Variants in MICU1 observed in about 807,000 individuals in gnomAD.
MICU1 encodes calcium uptake protein 1, mitochondrial.
MICU1 carries 45 observed loss-of-function variants against 56.8 expected under a neutral mutation model. That is an observed-to-expected ratio of 0.79 (90% CI 0.62 to 1.02). The LOEUF is 1.02. MICU1 is among the 50% of genes least tolerant of loss of function. The pLI is 0.00. For missense variants in MICU1, 504 were observed against 587.1 expected, an observed-to-expected ratio of 0.86 and a Z score of 1.46; for synonymous variants, 186 against 195.1, an observed-to-expected ratio of 0.95 and a Z score of 0.39.
At chr10:72,491,535 G>A (rs1047410429) in intron 6 of MICU1, among the ~76,000 whole-genome samples, 2 of 152,162 alleles carry the variant, frequency 1.3e-5, no homozygotes, top group Non-Finnish European at 1.5e-5. Context: ...TTATGTAATT[G>A]TCTAGGGGCC....
chr10:72,368,985 G>T (rs1288510477), intron 11 of MICU1, among the ~76,000 whole-genome samples: 2 of 152,112 alleles, frequency 1.3e-5, no homozygotes, highest in Non-Finnish European at 2.9e-5. Flanking sequence ...AAACTAAGGA[G>T]GAAGGCAGGG....
At chr10:72,558,599 G>A (rs1003154659) in intron 3 of MICU1, among the ~76,000 whole-genome samples, 6 of 152,046 alleles carry the variant, frequency 3.9e-5, no homozygotes, top group African/African-American at 9.7e-5. Context: ...AGCATTTTCC[G>A]CAGCTTTGCC....
At chr10:72,453,412 A>T (rs1865356615) in intron 8 of MICU1, among the ~76,000 whole-genome samples, 2 of 152,204 alleles carry the variant, frequency 1.3e-5, no homozygotes, top group South Asian at 4.1e-4. Context: ...CCAGGTGGAG[A>T]AAAAAAGACT....
At chr10:72,602,729 T>A (rs1299145967) in intron 1 of MICU1, among the ~76,000 whole-genome samples, 1 of 152,236 alleles carries the variant, frequency 6.6e-6, no homozygotes, top group Admixed American at 6.5e-5. Flanking sequence ...TCTTATGGAC[T>A]TCCTTTTTTA....
At chr10:72,403,360 A>T (rs1356948394) in intron 10 of MICU1, among the ~76,000 whole-genome samples, 2 of 151,976 alleles carry the variant, frequency 1.3e-5, no homozygotes, top group African/African-American at 4.8e-5. Context: ...TGTCTCAAAA[A>T]AAAAAATTTT....
intron 10 of MICU1, among the ~76,000 whole-genome samples, chr10:72,386,324 G>A (rs1862886091): frequency 6.6e-6 from 1 of 152,094 alleles, no homozygotes; most frequent in African/African-American, 2.4e-5. Context: ...TGGGATTACA[G>A]GTGCCCACCA....
At chr10:72,431,094 G>GTCTATCTATCTA (rs143659735) in intron 8 of MICU1, among the ~76,000 whole-genome samples, 20,150 of 141,208 alleles carry the variant, frequency 0.14, 1,611 homozygotes, top group Non-Finnish European at 0.17. Flanking sequence ...TTATCTGTCT[G>GTCTATCTATCTA]TCTATCTATC....
intron 6 of MICU1, among the ~76,000 whole-genome samples, chr10:72,503,598 TG>T (rs1209671715): frequency 6.6e-6 from 1 of 151,986 alleles, no homozygotes; most frequent in Admixed American, 6.6e-5. Context: ...TATAATCAAA[TG>T]TTTAAAACCA....
intron 4 of MICU1, among the ~76,000 whole-genome samples, chr10:72,546,848 C>T (rs980835868): frequency 1.3e-5 from 2 of 151,976 alleles, no homozygotes; most frequent in Non-Finnish European, 2.9e-5. Context: ...ACCTCAGCCT[C>T]CCAAGTAGCT....
chr10:72,509,836 C>T (rs1476054152), intron 5 of MICU1, among the ~76,000 whole-genome samples: 1 of 152,080 alleles, frequency 6.6e-6, no homozygotes, highest in East Asian at 1.9e-4. Flanking sequence ...TGGATGAGAA[C>T]TAGAACAGCA....
chr10:72,492,302 C>G (rs1344086248), intron 6 of MICU1, among the ~76,000 whole-genome samples: 1 of 151,994 alleles, frequency 6.6e-6, no homozygotes, highest in Non-Finnish European at 1.5e-5. Flanking sequence ...GGGGAAAAAG[C>G]GGTAACCAAT....
intron 4 of MICU1, among the ~76,000 whole-genome samples, chr10:72,540,057 C>A (rs528859910): frequency 6.6e-6 from 1 of 152,146 alleles, no homozygotes; most frequent in African/African-American, 2.4e-5. Flanking sequence ...CACCTGAGGT[C>A]AGGAGTTCAA....
Position 72,418,014 on chromosome 10 carries a change from G to A in MICU1, c.1071+5220C>T, listed in dbSNP as rs147203356. On this transcript the variant is annotated intron_variant, in intron 9 of 11. Coordinates refer to ENST00000361114, the MANE Select transcript of MICU1 (RefSeq NM_001195518.2). ...AGGGGAAGCAAACATATCCTTCTTC[G>A]CATGGCAGCAGGAAGAAGAATGAGT... Among the ~76,000 whole-genome samples the A allele has an allele frequency of 3.3e-3, 498 of 152,214 alleles. 4 individuals carry two copies. The highest frequency in any genetic ancestry group is 0.011 in the African/African-American group (468 of 41,532).
intron 10 of MICU1, among the ~76,000 whole-genome samples, chr10:72,381,644 T>C (rs1198503447): frequency 6.6e-6 from 1 of 152,136 alleles, no homozygotes; most frequent in Non-Finnish European, 1.5e-5. Flanking sequence ...GCTGCCTGAC[T>C]GTCAGAGGTG....
chr10:72,425,335 A>G (rs186197916), intron 8 of MICU1, among the ~76,000 whole-genome samples: 1 of 152,344 alleles, frequency 6.6e-6, no homozygotes, highest in East Asian at 1.9e-4. Flanking sequence ...TCATGGTTGA[A>G]AAGTTTCTTG....
At position 72,561,088 on chromosome 10, in the gene MICU1, T is replaced by C. The variant is rs138627000; in HGVS notation, c.330+1807A>G. Among the ~76,000 whole-genome samples, 191 of 152,346 alleles carry C rather than the reference T, an allele frequency of 1.3e-3. 1 individual carries two copies. Among genetic ancestry groups the C allele is most frequent in the African/African-American group, 4.1e-3 (169 of 41,572 alleles). On this transcript the variant is annotated intron_variant, in intron 3 of 11. Coordinates refer to ENST00000361114, the MANE Select transcript of MICU1 (RefSeq NM_001195518.2). ...CAATTATCCTTGAACAGGGAAAAGA[T>C]AGCTCTTCCTCTGAAACTTCAGTGA...
At chr10:72,582,292 TA>T (rs1281392722) in intron 1 of MICU1, among the ~76,000 whole-genome samples, 2 of 152,240 alleles carry the variant, frequency 1.3e-5, no homozygotes, top group African/African-American at 2.4e-5. Flanking sequence ...AATCATAATC[TA>T]AAATGTCCAA....
At chr10:72,565,331 CTT>C (rs1422318612) in intron 2 of MICU1, among the ~76,000 whole-genome samples, 1 of 152,006 alleles carries the variant, frequency 6.6e-6, no homozygotes, top group Non-Finnish European at 1.5e-5. Flanking sequence ...GAGTTCGTGT[CTT>C]TTGTAGGGAC....
chr10:72,496,704 G>A (rs1471452991), intron 6 of MICU1, among the ~76,000 whole-genome samples: 3 of 152,118 alleles, frequency 2.0e-5, no homozygotes, highest in East Asian at 1.9e-4. Context: ...CCAAAGTGCT[G>A]GGATTACAGG....
Sources: allele counts gnomAD v4.1 joint callset (sites outside exome capture counted in the v4.1 genomes callset), GRCh38; gene constraint gnomAD v4.1.1; transcripts MANE v1.5; gene names NCBI Gene and HGNC (gene_info 2026-07-23, HGNC 2026-07-21).